The following RRP12 variants were observed in gnomAD, a reference collection of about 807,000 sequenced individuals.
The protein encoded by RRP12 is ribosomal RNA processing 12 homolog, also known as RRP12-like protein.
In RRP12, 78 loss-of-function variants were observed where a neutral mutation model predicts 157.3. The ratio of observed to expected loss-of-function variants is 0.50; its 90% confidence interval spans 0.41 to 0.60. The LOEUF (loss-of-function observed/expected upper bound fraction) is 0.60. Among genes scored for constraint, RRP12 ranks in the 20% least tolerant of loss-of-function variants. RRP12 has a pLI of 0.00. For missense variants in RRP12, 1,521 were observed against 1,679.9 expected (o/e 0.91, Z 1.65); for synonymous variants, 726 against 670.9 (o/e 1.08, Z -1.27).
At chr10:97,368,627 G>C (rs1844055264) in intron 25 of RRP12, among the ~76,000 whole-genome samples, 1 of 152,220 alleles carries the variant, frequency 6.6e-6, no homozygotes, top group African/African-American at 2.4e-5. Context: ...CAAAGTGGTG[G>C]GGTTACAGGT....
At position 97,359,003 on chromosome 10, in the gene RRP12, G is replaced by A. The variant is rs749467517; in HGVS notation, c.3648C>T (p.Gly1216=). 2.5e-6 allele frequency: 4 copies of A among 1,613,700 alleles called. No homozygotes were observed. The highest frequency in any genetic ancestry group is 3.4e-6 in the Non-Finnish European group (4 of 1,179,842). Reference sequence around the variant, plus strand: ...TGGCCACAGGGCGATGAATGCCAGAGCCTCCAGCTACGGGGAGAACACAGG... The same window carrying A: ...TGGCCACAGGGCGATGAATGCCAGAACCTCCAGCTACGGGGAGAACACAGG... ...LEIPPQYQAG[G]SGIHRPVAKK... Residue 1216 remains glycine (G), a synonymous_variant, in exon 32 of 34, where the codon GGC becomes GGT. Coordinates refer to ENST00000370992, the MANE Select transcript of RRP12 (RefSeq NM_015179.4).
chr10:97,373,454 A>C, intron 17 of RRP12, 121 bp downstream of exon 17: 1 of 1,196,240 alleles, frequency 8.4e-7, no homozygotes, highest in Non-Finnish European at 1.1e-6. Context: ...GAAGCAGCAA[A>C]GGATGAGCTC....
intron 4 of RRP12, 85 bp from the exon 5 acceptor site, chr10:97,390,929 G>C: frequency 1.1e-6 from 1 of 872,964 alleles, no homozygotes; most frequent in Admixed American, 1.8e-5. Context: ...GGAGGACAGG[G>C]CAAGGGGCGC....
At chr10:97,372,681 AC>A (rs1251227126) in intron 19 of RRP12, 54 bp downstream of exon 19, 2 of 1,408,256 alleles carry the variant, frequency 1.4e-6, no homozygotes, top group Non-Finnish European at 2.0e-6. Flanking sequence ...TGCCAGATGC[AC>A]CCTCCAGCTC....
Position 97,366,584 on chromosome 10 carries a change from C to G in RRP12, c.3253G>C (p.Asp1085His), listed in dbSNP as rs1843988205. ...CGGCTTCTTTCCTCCTCCTCATTGT[C>G]CTCCTCGTCCTCTGAGTCAGCTAAA... Reference protein sequence around the residue: ...EILADSEDEEDNEEEERSRGK... With the variant: ...EILADSEDEEHNEEEERSRGK... The change falls in exon 28 of 34, where the codon GAC becomes CAC. Residue 1085 changes from aspartate (D) to histidine (H), a missense_variant. Asp to His is a moderately conservative substitution (Grantham distance 81, BLOSUM62 -1). Transcript: ENST00000370992. The G allele has an allele frequency of 1.2e-6, 2 of 1,613,922 alleles. No individual in the cohort carries two copies. The highest frequency in any genetic ancestry group is 1.7e-6 in the Non-Finnish European group (2 of 1,179,940).
rs774364611 is a variant in RRP12 at position 97,370,530 on chromosome 10, C to A, written c.2614G>T (p.Gly872Cys). The change falls in exon 23 of 34, where the codon GGC (glycine) becomes TGC (cysteine). Residue 872 changes from glycine (G) to cysteine (C), a missense_variant. Physicochemically the swap from Gly to Cys is radical, Grantham distance 159. Transcript: ENST00000370992. ...AGTGCAAAAGCGTTCTTCCGTGCGCCCACCGACACCTCCTTGGTGCACAGG... is the reference window on the plus strand; with the variant it reads ...AGTGCAAAAGCGTTCTTCCGTGCGCACACCGACACCTCCTTGGTGCACAGG... Reference protein sequence around the residue: ...VILCTKEVSVGARKNAFALLV... With the variant: ...VILCTKEVSVCARKNAFALLV... 1 of 1,611,344 alleles carries A rather than the reference C, an allele frequency of 6.2e-7. No homozygotes were observed. Among genetic ancestry groups the A allele is most frequent in the African/African-American group, 1.3e-5 (1 of 74,716 alleles).
At position 97,359,799 on chromosome 10, in the gene RRP12, C is replaced by T. The variant is rs565399193; in HGVS notation, c.3640+747G>A. Among the ~76,000 whole-genome samples, 5 of 152,352 alleles carry T rather than the reference C, an allele frequency of 3.3e-5. No homozygotes were observed. The South Asian group carries it at 1.0e-3, about 32-fold the overall frequency. On this transcript the variant is annotated intron_variant, in intron 31 of 33. Transcript: ENST00000370992. ...CAATTGGCAGGTACTCCTGCCTCAGCATCACTCCATCCCAGGGCACAGTAG... is the reference window on the plus strand; with the variant it reads ...CAATTGGCAGGTACTCCTGCCTCAGTATCACTCCATCCCAGGGCACAGTAG...
At chr10:97,379,862 G>T in intron 13 of RRP12, 92 bp from the exon 14 acceptor site, 1 of 1,340,706 alleles carries the variant, frequency 7.5e-7, no homozygotes, top group Non-Finnish European at 1.0e-6. Context: ...TGGAATTCTG[G>T]GCCTGGGTTC....
intron 2 of RRP12, among the ~76,000 whole-genome samples, chr10:97,398,040 T>TA (rs1491347075): frequency 1.8e-4 from 6 of 33,610 alleles, no homozygotes; most frequent in African/African-American, 3.3e-4. Context: ...TATATACGTA[T>TA]TTTTTTTTTT....
Position 97,366,506 on chromosome 10 carries a change from C to T in RRP12, c.3331G>A (p.Glu1111Lys). The T allele has an allele frequency of 6.2e-7, 1 of 1,614,112 alleles. No homozygotes were observed. Among genetic ancestry groups the T allele is most frequent in the South Asian group, 1.1e-5 (1 of 91,078 alleles). Residue 1111 changes from glutamate (E) to lysine (K), a missense_variant, in exon 28 of 34, where the codon GAG becomes AAG. Physicochemically the swap from Glu to Lys is moderately conservative, Grantham distance 56. Coordinates refer to ENST00000370992, the MANE Select transcript of RRP12 (RefSeq NM_015179.4). Reference protein sequence around the residue: ...ARQRSRAWLKEGGGDEPLNFL... With the variant: ...ARQRSRAWLKKGGGDEPLNFL... ...TTGAGGGGCTCGTCCCCACCGCCCTCTTTCAGCCATGCCCGGCTCCTCTGT... is the reference window on the plus strand; with the variant it reads ...TTGAGGGGCTCGTCCCCACCGCCCTTTTTCAGCCATGCCCGGCTCCTCTGT...
chr10:97,385,490 C>A (rs964663283), intron 9 of RRP12, among the ~76,000 whole-genome samples: 2 of 151,848 alleles, frequency 1.3e-5, no homozygotes, highest in African/African-American at 4.8e-5. Context: ...ATGGGTCACA[C>A]ACTCCTTTGT....
chr10:97,389,566 AC>A (rs1844743123), intron 6 of RRP12, among the ~76,000 whole-genome samples: 1 of 152,002 alleles, frequency 6.6e-6, no homozygotes, highest in African/African-American at 2.4e-5. Flanking sequence ...TGTTATTGTT[AC>A]CACCTCCTGC....
chr10:97,390,628 C>T (rs949803657), intron 5 of RRP12, 89 bp from the exon 6 acceptor site: 16 of 1,341,852 alleles, frequency 1.2e-5, no homozygotes, highest in Non-Finnish European at 1.6e-5. Context: ...AAAATCGCAT[C>T]TGTCTGAGGT....
intron 8 of RRP12, among the ~76,000 whole-genome samples, chr10:97,387,810 T>C (rs1476536225): frequency 2.6e-5 from 4 of 151,508 alleles, no homozygotes; most frequent in Non-Finnish European, 4.4e-5. Context: ...GGCGTGGTGG[T>C]GCATGCCTGT....
At chr10:97,400,886 C>A (rs894498275) in intron 1 of RRP12, among the ~76,000 whole-genome samples, 1 of 152,196 alleles carries the variant, frequency 6.6e-6, no homozygotes, top group Non-Finnish European at 1.5e-5. Context: ...CGGTACCTTA[C>A]ACAAGACATT....
intron 7 of RRP12, 53 bp from the exon 8 acceptor site, chr10:97,388,432 G>T (rs1844701081): frequency 1.2e-6 from 2 of 1,612,986 alleles, no homozygotes; most frequent in Admixed American, 1.7e-5. Context: ...CGCAGGCCCT[G>T]TCCTGCTCTG....
chr10:97,372,724 T>C lies in RRP12; in HGVS notation c.2249+12A>G. The C allele has an allele frequency of 6.4e-7, 1 of 1,555,496 alleles. No individual in the cohort carries two copies. Among genetic ancestry groups the C allele is most frequent in the South Asian group, 1.2e-5 (1 of 84,314 alleles). On this transcript the variant is annotated intron_variant, in intron 19 of 33. Coordinates refer to ENST00000370992, the MANE Select transcript of RRP12 (RefSeq NM_015179.4). ...CTGCTCCAGCTCAAGTGGGAGGCCC[T>C]GAGCATGTTACCTGGTAAAGTCAGA...
At position 97,370,516 on chromosome 10, in the gene RRP12, G is replaced by A. The variant is rs778356805; in HGVS notation, c.2628C>T (p.Asn876=). 1.5e-5 allele frequency: 24 copies of A among 1,605,652 alleles called. No homozygotes were observed. The highest frequency in any genetic ancestry group is 9.0e-5 in the East Asian group (4 of 44,552). ...TKEVSVGARK[N]AFALLVEMGH... ...CCATCTCCACGAGCAGTGCAAAAGCGTTCTTCCGTGCGCCCACCGACACCT... is the reference window on the plus strand; with the variant it reads ...CCATCTCCACGAGCAGTGCAAAAGCATTCTTCCGTGCGCCCACCGACACCT... The change falls in exon 23 of 34, where the codon AAC becomes AAT. Residue 876 remains asparagine (N), a synonymous_variant. Coordinates refer to ENST00000370992, the MANE Select transcript of RRP12 (RefSeq NM_015179.4).
At chr10:97,400,153 T>C (rs974246558) in intron 2 of RRP12, 152 bp downstream of exon 2, 6 of 657,276 alleles carry the variant, frequency 9.1e-6, no homozygotes, top group Non-Finnish European at 1.3e-5. Flanking sequence ...AAGTAGAACC[T>C]GCCCTAGGAG....
Sources: allele counts gnomAD v4.1 joint callset (sites outside exome capture counted in the v4.1 genomes callset), GRCh38; gene constraint gnomAD v4.1.1; transcripts MANE v1.5; gene names NCBI Gene and HGNC (gene_info 2026-07-23, HGNC 2026-07-21).